Variants in KIF3A observed in about 807,000 individuals in gnomAD.
KIF3A encodes kinesin-like protein KIF3A.
A neutral mutation model predicts 92.6 loss-of-function variants in KIF3A; 27 were observed. The ratio of observed to expected loss-of-function variants is 0.29; its 90% confidence interval spans 0.21 to 0.40. KIF3A has a LOEUF of 0.40. KIF3A is among the 10% of genes least tolerant of loss of function. The pLI, the probability that KIF3A is intolerant of heterozygous loss-of-function variation, is 1.00. For missense variants in KIF3A, 581 were observed against 872.6 expected (o/e 0.67, Z 4.21); for synonymous variants, 250 against 275.4 (o/e 0.91, Z 0.92).
chr5:132,702,802 A>T, intron 13 of KIF3A, 83 bp downstream of exon 13: 2 of 1,403,576 alleles, frequency 1.4e-6, no homozygotes, highest in Non-Finnish European at 2.0e-6. Context: ...AAATTTCAAT[A>T]CGATTATAGA....
chr5:132,724,807 ATATATATATATATATAT>A lies in KIF3A; in HGVS notation c.510+1304_510+1320del, dbSNP rs1436089195. 1.5e-3 allele frequency among the ~76,000 whole-genome samples: 44 copies of A among 30,106 alleles called. 2 individuals are homozygous for A. Among genetic ancestry groups the A allele is most frequent in the South Asian group, 0.012 (9 of 744 alleles). The allele number at this position is 30,106 out of a possible 152,430, so 19.8% of individuals were successfully genotyped here. The stretch of plus-strand genomic sequence containing the variant: ...TAAAGTATAATAAAAAAAAAAAAAA[ATATATATATATATATAT>A]ATATATATATATATATATATATATA... On this transcript the variant is annotated intron_variant, in intron 4 of 18. Transcript: ENST00000403231.
At chr5:132,703,705 C>CCTA in intron 11 of KIF3A, 86 bp from the exon 12 acceptor site, 1 of 875,078 alleles carries the variant, frequency 1.1e-6, no homozygotes, top group African/African-American at 1.7e-5. Flanking sequence ...TATAGAAATG[C>CCTA]CTACACTCCT....
chr5:132,735,425 T>C (rs183471450), intron 1 of KIF3A, among the ~76,000 whole-genome samples: 134 of 152,336 alleles, frequency 8.8e-4, no homozygotes, highest in African/African-American at 3.0e-3. Flanking sequence ...AATCCTATTA[T>C]TGAAGTGAAA....
intron 8 of KIF3A, among the ~76,000 whole-genome samples, chr5:132,713,059 G>C (rs1334764745): frequency 6.6e-6 from 1 of 152,188 alleles, no homozygotes; most frequent in East Asian, 1.9e-4. Flanking sequence ...TCAGGAGGTT[G>C]AGGCAGGAGA....
intron 1 of KIF3A, among the ~76,000 whole-genome samples, chr5:132,735,270 T>C (rs1335155162): frequency 2.6e-5 from 4 of 152,190 alleles, no homozygotes. Context: ...AGACGGAATT[T>C]CATCATGTTG....
intron 1 of KIF3A, among the ~76,000 whole-genome samples, chr5:132,736,240 T>C (rs191647085): frequency 2.0e-5 from 3 of 152,380 alleles, no homozygotes; most frequent in African/African-American, 4.8e-5. Flanking sequence ...GTTTGGTTCA[T>C]AGTATTTAAA....
chr5:132,713,273 G>C (rs1753493144), intron 8 of KIF3A, among the ~76,000 whole-genome samples: 1 of 152,148 alleles, frequency 6.6e-6, no homozygotes, highest in African/African-American at 2.4e-5. Context: ...GCACTGGAAG[G>C]AAAACTGGCC....
At chr5:132,717,060 T>C (rs1293982538) in intron 5 of KIF3A, 76 bp from the exon 6 acceptor site, 3 of 1,374,450 alleles carry the variant, frequency 2.2e-6, no homozygotes, top group Admixed American at 2.1e-5. Flanking sequence ...CCTGAACAGT[T>C]TAAAACACTT....
intron 2 of KIF3A, 110 bp downstream of exon 2, chr5:132,734,095 C>T (rs1421959326): frequency 2.3e-6 from 2 of 863,582 alleles, no homozygotes; most frequent in East Asian, 5.1e-5. Context: ...GGTTTCACAA[C>T]TGTATATATT....
Position 132,695,065 on chromosome 5 carries a change from T to C in KIF3A, c.*1569A>G, listed in dbSNP as rs1050665744. 1.8e-4 allele frequency: 28 copies of C among 152,416 alleles called. No individual in the cohort carries two copies. The highest frequency in any genetic ancestry group is 6.7e-4 in the African/African-American group (28 of 41,584). The allele number at this position is 152,416 out of a possible 1,614,324, so 9.4% of individuals were successfully genotyped here. Reference sequence around the variant, plus strand: ...TATTAATTTAATAAATACTAACTTATAAAGTCTCAAAATATTTTCAACCAA... The same window carrying C: ...TATTAATTTAATAAATACTAACTTACAAAGTCTCAAAATATTTTCAACCAA... On this transcript the variant is annotated 3_prime_UTR_variant, in exon 19 of 19. Transcript: ENST00000403231.
At chr5:132,709,664 T>C (rs1336031914) in intron 9 of KIF3A, among the ~76,000 whole-genome samples, 3 of 152,204 alleles carry the variant, frequency 2.0e-5, no homozygotes, top group Non-Finnish European at 4.4e-5. Flanking sequence ...AAAAACTAGG[T>C]GTGAACAAAA....
chr5:132,690,650 G>T (rs879663539), downstream of KIF3A, among the ~76,000 whole-genome samples: 1 of 94,428 alleles, frequency 1.1e-5, no homozygotes, highest in African/African-American at 2.8e-5. Flanking sequence ...ATTTCAGGCC[G>T]GGCGCGGTGG....
chr5:132,711,524 A>C lies in KIF3A; in HGVS notation c.1130-467T>G, dbSNP rs555859210. Among the ~76,000 whole-genome samples, 14 of 152,206 alleles carry C rather than the reference A, an allele frequency of 9.2e-5. No individual in the cohort carries two copies. In the East Asian group the frequency reaches 2.7e-3, roughly 29 times the overall value. On this transcript the variant is annotated intron_variant, in intron 8 of 18. Coordinates refer to ENST00000403231, the MANE Select transcript of KIF3A (RefSeq NM_001300791.2). ...GGAGAATCACTTGAACCCAGGAGGCAGAGGTTGCAGTGAGCCGAGATGGCA... is the reference window on the plus strand; with the variant it reads ...GGAGAATCACTTGAACCCAGGAGGCCGAGGTTGCAGTGAGCCGAGATGGCA...
At chr5:132,699,892 A>G (rs769189879) in intron 17 of KIF3A, among the ~76,000 whole-genome samples, 2 of 152,058 alleles carry the variant, frequency 1.3e-5, no homozygotes, top group African/African-American at 2.4e-5. Flanking sequence ...CTAGGACTAG[A>G]ACTAGCTTTG....
At chr5:132,691,719 A>G (rs1308082510), downstream of KIF3A, among the ~76,000 whole-genome samples, 1 of 151,648 alleles carries the variant, frequency 6.6e-6, no homozygotes, top group East Asian at 1.9e-4. Context: ...CCTGAACAAC[A>G]TGGTGAAATT....
At chr5:132,720,870 T>C (rs945627460) in intron 4 of KIF3A, among the ~76,000 whole-genome samples, 156 bp from the exon 5 acceptor site, 1 of 152,178 alleles carries the variant, frequency 6.6e-6, no homozygotes, top group African/African-American at 2.4e-5. Flanking sequence ...AGGAAGAACA[T>C]ACAAATGAAG....
intron 2 of KIF3A, among the ~76,000 whole-genome samples, chr5:132,728,046 A>G (rs1754096801): frequency 6.6e-6 from 1 of 152,218 alleles, no homozygotes; most frequent in Admixed American, 6.5e-5. Context: ...AAACTCTGCT[A>G]TTAGGAATAT....
rs1753006034 is a variant in KIF3A at position 132,700,677 on chromosome 5, A to G, written c.1908T>C (p.His636=). ...DYQEMIENYV[H]WNEDIGEWQL... ...GCCATTCTCCTATGTCTTCATTCCA[A>G]TGGACATAGTTTTCAATCATTTCCT... Residue 636 remains histidine, a synonymous_variant, in exon 16 of 19, where the codon CAT becomes CAC. Transcript: ENST00000403231. The G allele has an allele frequency of 6.3e-7, 1 of 1,594,410 alleles. No individual in the cohort carries two copies. Among genetic ancestry groups the G allele is most frequent in the Non-Finnish European group, 8.6e-7 (1 of 1,162,266 alleles).
intron 15 of KIF3A, 94 bp downstream of exon 15, chr5:132,701,993 T>A: frequency 7.7e-7 from 1 of 1,302,884 alleles, no homozygotes; most frequent in Non-Finnish European, 1.1e-6. Context: ...ATTCAATAAC[T>A]GAAGTATTAA....
Sources: allele counts gnomAD v4.1 joint callset (sites outside exome capture counted in the v4.1 genomes callset), GRCh38; gene constraint gnomAD v4.1.1; transcripts MANE v1.5; gene names NCBI Gene and HGNC (gene_info 2026-07-23, HGNC 2026-07-21).